NHS: variants seen among roughly 807,000 people sequenced by gnomAD.
The protein encoded by NHS is NHS actin remodeling regulator.
NHS carries 5 observed loss-of-function variants against 72.5 expected under a neutral mutation model. That is an observed-to-expected ratio of 0.07 (90% CI 0.04 to 0.14). NHS has a LOEUF of 0.14. NHS is among the 10% of genes least tolerant of loss of function. The probability of loss-of-function intolerance (pLI) is 1.00; values close to 1 mark genes in which losing one functional copy is unlikely to be tolerated. For missense variants in NHS, 1,072 were observed against 1,355.7 expected (o/e 0.79, Z 3.29); for synonymous variants, 464 against 547.7 (o/e 0.85, Z 2.13).
chrX:17,615,021 C>T (rs765019694), intron 1 of NHS, among the ~76,000 whole-genome samples: 1 of 104,024 alleles, frequency 9.6e-6, no homozygotes, highest in Non-Finnish European at 2.0e-5. Context: ...CATCTTCCCT[C>T]TCTTTCTCAC....
chrX:17,514,818 T>G (rs1411185025), intron 1 of NHS, among the ~76,000 whole-genome samples: 5 of 111,821 alleles, frequency 4.5e-5, no homozygotes, highest in Non-Finnish European at 5.6e-5. Context: ...GCTGCACTTA[T>G]AGGGCTGTTT....
chrX:17,556,337 G>T (rs916795873), intron 1 of NHS, among the ~76,000 whole-genome samples: 1 of 112,949 alleles, frequency 8.9e-6, no homozygotes, highest in African/African-American at 3.2e-5. Flanking sequence ...TCTGGGGAAG[G>T]CAAGGAGGGC....
chrX:17,509,922 C>T (rs897545197), intron 1 of NHS, among the ~76,000 whole-genome samples: 8 of 112,696 alleles, frequency 7.1e-5, no homozygotes, highest in African/African-American at 9.6e-5. Context: ...ACAATTCCAG[C>T]GTCTCTACAT....
intron 1 of NHS, among the ~76,000 whole-genome samples, chrX:17,519,169 G>A (rs765336641): frequency 8.2e-5 from 9 of 109,269 alleles, no homozygotes; most frequent in South Asian, 3.8e-4. Context: ...TAGATTGGCC[G>A]TTGAAGAAAT....
chrX:17,609,646 A>T (rs1318907564), intron 1 of NHS, among the ~76,000 whole-genome samples: 1 of 112,254 alleles, frequency 8.9e-6, no homozygotes, highest in Non-Finnish European at 1.9e-5. Context: ...GATTTGGAGG[A>T]AGACATTTAC....
intron 1 of NHS, among the ~76,000 whole-genome samples, chrX:17,476,644 G>A: frequency 9.0e-6 from 1 of 111,476 alleles, no homozygotes; most frequent in Middle Eastern, 4.6e-3. Flanking sequence ...ATACAGGGAA[G>A]GAGGGCAACA....
intron 1 of NHS, among the ~76,000 whole-genome samples, chrX:17,667,677 A>G (rs1405304598): frequency 9.0e-6 from 1 of 111,616 alleles, no homozygotes; most frequent in Non-Finnish European, 1.9e-5. Flanking sequence ...AGCATCACAG[A>G]TGATGAAGGC....
At chrX:17,417,371 T>G (rs1191670104) in intron 1 of NHS, among the ~76,000 whole-genome samples, 2 of 112,034 alleles carry the variant, frequency 1.8e-5, no homozygotes, top group Non-Finnish European at 3.8e-5. Context: ...TCTCTACATT[T>G]AAATAGTGAA....
At chrX:17,658,540 A>G (rs1475151700) in intron 1 of NHS, among the ~76,000 whole-genome samples, 1 of 112,104 alleles carries the variant, frequency 8.9e-6, no homozygotes, top group Non-Finnish European at 1.9e-5. Context: ...GGGAAGGAAG[A>G]GACCAGGAAA....
At chrX:17,675,608 G>A (rs940795050) in intron 1 of NHS, among the ~76,000 whole-genome samples, 12 of 111,567 alleles carry the variant, frequency 1.1e-4, no homozygotes, top group South Asian at 3.8e-4. Flanking sequence ...CAAGATGAAC[G>A]TAGGACACCT....
At chrX:17,438,370 A>C (rs1050449677) in intron 1 of NHS, among the ~76,000 whole-genome samples, 2 of 112,392 alleles carry the variant, frequency 1.8e-5, no homozygotes, top group Non-Finnish European at 3.8e-5. Flanking sequence ...CTGTAGAAAA[A>C]ATACTGAAGC....
At chrX:17,534,765 G>T (rs1279793286) in intron 1 of NHS, among the ~76,000 whole-genome samples, 1 of 112,471 alleles carries the variant, frequency 8.9e-6, no homozygotes, top group Admixed American at 9.4e-5. Context: ...TTCAATGTTT[G>T]TCCTTGCTTT....
intron 1 of NHS, among the ~76,000 whole-genome samples, chrX:17,496,644 T>C (rs1486121132): frequency 7.2e-5 from 8 of 111,504 alleles, no homozygotes; most frequent in Non-Finnish European, 1.3e-4. Flanking sequence ...GGCAACAAGC[T>C]GATAGACCCA....
chrX:17,444,740 T>A (rs186223277), intron 1 of NHS, among the ~76,000 whole-genome samples: 1 of 111,696 alleles, frequency 9.0e-6, no homozygotes, highest in East Asian at 2.8e-4. Context: ...CCTCTCTTCC[T>A]TCCTGCCTTC....
At chrX:17,537,157 G>A (rs746921595) in intron 1 of NHS, among the ~76,000 whole-genome samples, 45 of 112,246 alleles carry the variant, frequency 4.0e-4, no homozygotes, top group Non-Finnish European at 7.9e-4. Flanking sequence ...TCTCGGGCAC[G>A]TATATGGCAC....
chrX:17,389,136 A>G lies in NHS; in HGVS notation c.565+12814A>G, dbSNP rs191493726. On this transcript the variant is annotated intron_variant, in intron 1 of 8. Transcript: ENST00000676302. ...TCCTAACTAATACTCTTTTTAAAAA[A>G]TCAAGATATAATTTACATGCAGTGA... Among the ~76,000 whole-genome samples the G allele has an allele frequency of 2.7e-5, 3 of 112,309 alleles. No homozygotes were observed. In the East Asian group the frequency reaches 8.4e-4, roughly 31 times the overall value.
chrX:17,534,867 G>A, intron 1 of NHS, among the ~76,000 whole-genome samples: 1 of 112,221 alleles, frequency 8.9e-6, no homozygotes, highest in African/African-American at 3.2e-5. Context: ...AGTGTCTGCA[G>A]TTCTCTTCCT....
At chrX:17,636,487 C>T (rs1486403688) in intron 1 of NHS, among the ~76,000 whole-genome samples, 1 of 112,464 alleles carries the variant, frequency 8.9e-6, no homozygotes. Context: ...TCTTGCTATG[C>T]GCTATTAGGT....
chrX:17,593,196 T>C (rs1008352081), intron 1 of NHS, among the ~76,000 whole-genome samples: 1 of 111,396 alleles, frequency 9.0e-6, no homozygotes, highest in African/African-American at 3.3e-5. Flanking sequence ...TCACTTAACC[T>C]CTCTGATGTC....
Sources: allele counts gnomAD v4.1 joint callset (sites outside exome capture counted in the v4.1 genomes callset), GRCh38; gene constraint gnomAD v4.1.1; transcripts MANE v1.5; gene names NCBI Gene and HGNC (gene_info 2026-07-23, HGNC 2026-07-21).